CYP4F12: variants seen among roughly 807,000 people sequenced by gnomAD.
CYP4F12 encodes cytochrome P450 4F12.
In CYP4F12, 60 loss-of-function variants were observed where a neutral mutation model predicts 56.5. The ratio of observed to expected loss-of-function variants is 1.06; its 90% CI spans 0.86 to 1.32. CYP4F12 has a LOEUF of 1.32. CYP4F12 is among the 40% of genes most tolerant of loss of function. The pLI is 0.00. For synonymous variants in CYP4F12, 263 were observed against 264.9 expected (o/e 0.99, Z 0.07); for missense variants, 711 against 683.5 (o/e 1.04, Z -0.45).
In CYP4F12 at chr19:15,697,166, A is replaced by G; in HGVS notation, c.*81A>G. 6.5e-7 allele frequency: 1 copy of G among 1,526,722 alleles called. No homozygotes were observed. Among genetic ancestry groups the G allele is most frequent in the Non-Finnish European group, 8.9e-7 (1 of 1,126,124 alleles). 94.6% of individuals were successfully genotyped at this position (1,526,722 alleles called of 1,614,324 possible). A position where few individuals can be genotyped will look rare whatever the true frequency, so the allele number is the denominator to read the frequency against. ...TCACCTCTGCCTGGGCCTCACTGACAGCCTGCAGGGGGCTCTTGGGGACTG... is the reference window on the plus strand; with the variant it reads ...TCACCTCTGCCTGGGCCTCACTGACGGCCTGCAGGGGGCTCTTGGGGACTG... On this transcript the variant is annotated 3_prime_UTR_variant, in exon 13 of 13. Transcript: ENST00000550308.
At chr19:15,692,254 G>T (rs1240481602) in intron 9 of CYP4F12, among the ~76,000 whole-genome samples, 1 of 152,186 alleles carries the variant, frequency 6.6e-6, no homozygotes, top group East Asian at 1.9e-4. Flanking sequence ...ATATCTGGCA[G>T]AGTGGCTTTT....
intron 9 of CYP4F12, among the ~76,000 whole-genome samples, chr19:15,689,608 C>T (rs1384241003): frequency 6.6e-6 from 1 of 152,190 alleles, no homozygotes; most frequent in Non-Finnish European, 1.5e-5. Context: ...TACTAGGTAT[C>T]CACCCAAAGG....
chr19:15,694,614 A>G (rs2008034436), intron 9 of CYP4F12, among the ~76,000 whole-genome samples: 1 of 152,178 alleles, frequency 6.6e-6, no homozygotes. Flanking sequence ...TTTTCTAGAT[A>G]TACAATCATG....
intron 11 of CYP4F12, 96 bp from the exon 12 acceptor site, chr19:15,696,334 C>A (rs2008137311): frequency 6.2e-7 from 1 of 1,608,158 alleles, no homozygotes; most frequent in Non-Finnish European, 8.5e-7. Flanking sequence ...TGAGGAAAAT[C>A]CAACATCACC....
At position 15,696,062 on chromosome 19, in the gene CYP4F12, C is replaced by A. The variant is rs117812386; in HGVS notation, c.1242C>A (p.Ile414=). 1.1e-3 allele frequency: 1,818 copies of A among 1,613,506 alleles called. 46 individuals are homozygous for A. In the East Asian group the frequency reaches 0.033, roughly 29 times the overall value. ...QDIVLPDGRV[I]PKGITCLIDI... is the part of the protein sequence containing the mutation. ...TTGTTCTCCCAGATGGCCGAGTCATCCCCAAAGGTGCCCACAGCCTCAGGG... is the reference window on the plus strand; with the variant it reads ...TTGTTCTCCCAGATGGCCGAGTCATACCCAAAGGTGCCCACAGCCTCAGGG... The change falls in exon 10 of 13, where the codon ATC becomes ATA. Residue 414 remains isoleucine, a synonymous_variant. Transcript: ENST00000550308.
chr19:15,681,899 A>T (rs1489499769), intron 5 of CYP4F12: 3 of 153,856 alleles, frequency 1.9e-5, no homozygotes, highest in Non-Finnish European at 4.3e-5. Context: ...CAATGCCAGG[A>T]TATAAGTTGT....
chr19:15,686,785 A>G (rs1228098950), intron 9 of CYP4F12, among the ~76,000 whole-genome samples: 1 of 152,166 alleles, frequency 6.6e-6, no homozygotes, highest in East Asian at 1.9e-4. Flanking sequence ...AGTCCCAGTG[A>G]AGACATTCTG....
At chr19:15,677,225 A>C (rs576960889) in intron 2 of CYP4F12, among the ~76,000 whole-genome samples, 3 of 109,810 alleles carry the variant, frequency 2.7e-5, no homozygotes, top group Admixed American at 9.3e-5. Context: ...TCATTCCTCT[A>C]CCCATTCACT....
intron 3 of CYP4F12, 86 bp from the exon 4 acceptor site, chr19:15,680,158 G>C: frequency 3.3e-6 from 5 of 1,511,188 alleles, no homozygotes; most frequent in Non-Finnish European, 4.4e-6. Context: ...ATGGAGTGGG[G>C]AAAGTGCTGG....
chr19:15,674,475 C>G (rs1178495461), intron 2 of CYP4F12, among the ~76,000 whole-genome samples: 3 of 108,354 alleles, frequency 2.8e-5, no homozygotes, highest in Non-Finnish European at 3.8e-5. Context: ...TCATTCCTCT[C>G]CTCACTCACT....
intron 9 of CYP4F12, among the ~76,000 whole-genome samples, chr19:15,689,724 G>A (rs984265699): frequency 6.6e-6 from 1 of 152,152 alleles, no homozygotes; most frequent in African/African-American, 2.4e-5. Context: ...ACCAATGAGT[G>A]GATAAAGAAA....
chr19:15,683,030 C>T (rs2007390344), intron 6 of CYP4F12, among the ~76,000 whole-genome samples: 2 of 151,978 alleles, frequency 1.3e-5, no homozygotes, highest in African/African-American at 4.8e-5. Context: ...AGCCACTGTG[C>T]CCAGCTGCTT....
intron 6 of CYP4F12, 106 bp downstream of exon 6, chr19:15,682,616 G>A: frequency 1.3e-6 from 2 of 1,525,038 alleles, no homozygotes; most frequent in Non-Finnish European, 1.8e-6. Flanking sequence ...GGGAGGATTT[G>A]TATCATAGCT....
chr19:15,695,064 G>A (rs12104237), intron 9 of CYP4F12, among the ~76,000 whole-genome samples: 42,848 of 151,698 alleles, frequency 0.28, 6,565 homozygotes, highest in African/African-American at 0.4. Flanking sequence ...TATGTTTATT[G>A]CGGCACTATT....
intron 6 of CYP4F12, among the ~76,000 whole-genome samples, chr19:15,683,048 C>A (rs1414352506): frequency 8.0e-5 from 12 of 150,668 alleles, no homozygotes; most frequent in Admixed American, 7.3e-4. Context: ...CTTCTTCTTT[C>A]TTACAGGGTG....
intron 2 of CYP4F12, among the ~76,000 whole-genome samples, chr19:15,675,479 G>C (rs1254132449): frequency 6.6e-6 from 1 of 152,180 alleles, no homozygotes; most frequent in Non-Finnish European, 1.5e-5. Context: ...GACCAACCAG[G>C]ACACAAAAGG....
intron 9 of CYP4F12, among the ~76,000 whole-genome samples, chr19:15,687,982 C>G (rs2007700499): frequency 6.6e-6 from 1 of 152,068 alleles, no homozygotes; most frequent in Non-Finnish European, 1.5e-5. Context: ...GACCAGAACC[C>G]GGGAGGCAAG....
intron 9 of CYP4F12, among the ~76,000 whole-genome samples, chr19:15,693,778 A>G (rs1031062098): frequency 2.7e-5 from 4 of 149,360 alleles, no homozygotes; most frequent in Non-Finnish European, 5.9e-5. Context: ...CTATGTCTTG[A>G]ATGGTAATGC....
Position 15,682,499 on chromosome 19 carries a change from C to T in CYP4F12, c.636C>T (p.Ser212=), listed in dbSNP as rs2007360659. The T allele has an allele frequency of 6.2e-7, 1 of 1,613,360 alleles. No individual in the cohort carries two copies. Among genetic ancestry groups the T allele is most frequent in the African/African-American group, 1.3e-5 (1 of 74,910 alleles). The change falls in exon 6 of 13, where the codon AGC becomes AGT. Residue 212 remains serine, a synonymous_variant. Coordinates refer to ENST00000550308, the MANE Select transcript of CYP4F12 (RefSeq NM_023944.4). ...SLQKCIFSFD[S]HCQERPSEYI... ...AGAAATGCATCTTCAGCTTTGACAG[C>T]CATTGTCAGGAGTGAGTTCCTTCCT... is the stretch of plus-strand genomic sequence containing the variant.
Sources: gnomAD v4.1 joint callset for allele counts (sites outside exome capture counted in the v4.1 genomes callset) on GRCh38, gnomAD v4.1.1 for gene constraint, MANE v1.5 for transcripts, NCBI Gene and HGNC (gene_info 2026-07-23, HGNC 2026-07-21) for gene names.